CCSER1: variants seen among roughly 807,000 people sequenced by gnomAD.
CCSER1 encodes the protein serine-rich coiled-coil domain-containing protein 1.
In CCSER1, 41 loss-of-function variants were observed where a neutral mutation model predicts 82.0. The observed-to-expected ratio is 0.50, with a 90% CI of 0.39 to 0.65. CCSER1 has a LOEUF of 0.65. CCSER1 is among the 30% of genes least tolerant of loss of function. The pLI, the probability that CCSER1 is intolerant of heterozygous loss-of-function variation, is 0.00. For synonymous variants in CCSER1, 414 were observed against 383.9 expected (o/e 1.08, Z -0.92); for missense variants, 1,119 against 1,064.2 (o/e 1.05, Z -0.72).
intron 1 of CCSER1, among the ~76,000 whole-genome samples, chr4:90,166,856 A>T (rs1295419930): frequency 6.6e-6 from 1 of 152,048 alleles, no homozygotes; most frequent in Non-Finnish European, 1.5e-5. Flanking sequence ...TTGTGTAATT[A>T]ATTTACCAGT....
At chr4:90,562,190 CAAAA>C (rs35279708) in intron 5 of CCSER1, among the ~76,000 whole-genome samples, 5 of 57,010 alleles carry the variant, frequency 8.8e-5, no homozygotes, top group Non-Finnish European at 1.3e-4. Flanking sequence ...AACTCCATCT[CAAAA>C]AAAAAAAAAA....
intron 4 of CCSER1, among the ~76,000 whole-genome samples, chr4:90,461,594 T>C (rs1166372921): frequency 6.6e-6 from 1 of 152,128 alleles, no homozygotes; most frequent in East Asian, 1.9e-4. Flanking sequence ...CATTTCTCAA[T>C]ATATATATAA....
At chr4:90,838,751 T>C (rs1233496014) in intron 8 of CCSER1, 3 of 1,092,992 alleles carry the variant, frequency 2.7e-6, no homozygotes, top group Non-Finnish European at 4.1e-6. Context: ...GCGGCCTTCG[T>C]TGTCAGTAGT....
At chr4:90,471,583 A>G (rs189761361) in intron 5 of CCSER1, among the ~76,000 whole-genome samples, 17 of 152,188 alleles carry the variant, frequency 1.1e-4, no homozygotes, top group Middle Eastern at 6.8e-3. Flanking sequence ...TGCAACAAAT[A>G]TATTTGTTAA....
chr4:90,740,089 C>T (rs987418035), intron 7 of CCSER1, among the ~76,000 whole-genome samples: 8 of 151,952 alleles, frequency 5.3e-5, no homozygotes, highest in African/African-American at 1.2e-4. Context: ...TTTTAATTTC[C>T]GTTAAGTTTG....
At chr4:91,458,862 CTGAATTTGTTT>C (rs1406536052) in intron 10 of CCSER1, among the ~76,000 whole-genome samples, 3 of 152,008 alleles carry the variant, frequency 2.0e-5, no homozygotes, top group Admixed American at 6.6e-5. Flanking sequence ...TGTAACTTAA[CTGAATTTGTTT>C]TGAGATTTTT....
chr4:91,184,775 C>A (rs1560501319), intron 10 of CCSER1, among the ~76,000 whole-genome samples: 1 of 152,056 alleles, frequency 6.6e-6, no homozygotes, highest in East Asian at 1.9e-4. Flanking sequence ...TCAAATCTTG[C>A]AAATTTTTTT....
rs76014163 is a variant in CCSER1, at chr4:90,761,408, A to G, written c.2010+37417A>G. 4.7e-4 allele frequency among the ~76,000 whole-genome samples: 72 copies of G among 152,280 alleles called. 1 individual carries two copies. The East Asian group carries it at 0.011, about 24-fold the overall frequency. On this transcript the variant is annotated intron_variant, in intron 7 of 10. Transcript: ENST00000509176. Reference sequence around the variant, plus strand: ...ATACATGAATGAATAGGGAAAATACAGCTTTTAACCATTAATACAGAAGTA... The same window carrying G: ...ATACATGAATGAATAGGGAAAATACGGCTTTTAACCATTAATACAGAAGTA...
At chr4:90,607,154 T>C (rs1784832319) in intron 5 of CCSER1, among the ~76,000 whole-genome samples, 1 of 152,190 alleles carries the variant, frequency 6.6e-6, no homozygotes, top group Admixed American at 6.6e-5. Context: ...TATTGCATTT[T>C]AACCAAAAGC....
intron 8 of CCSER1, among the ~76,000 whole-genome samples, chr4:90,819,702 C>T (rs1759490850): frequency 6.6e-6 from 1 of 152,030 alleles, no homozygotes; most frequent in African/African-American, 2.4e-5. Context: ...CAATTTATTC[C>T]TTCTTTTTAA....
At chr4:91,473,961 G>A (rs12501231) in intron 10 of CCSER1, among the ~76,000 whole-genome samples, 127,527 of 152,042 alleles carry the variant, frequency 0.84, 53,962 homozygotes, top group African/African-American at 0.94. Context: ...TTAACTTCCC[G>A]AATCATTTTT....
intron 10 of CCSER1, among the ~76,000 whole-genome samples, chr4:91,213,213 A>G (rs1736975211): frequency 6.6e-6 from 1 of 151,954 alleles, no homozygotes; most frequent in South Asian, 2.1e-4. Context: ...TTTTTTTTTA[A>G]TGTAATGTCT....
At chr4:91,268,183 G>C (rs1374963434) in intron 10 of CCSER1, among the ~76,000 whole-genome samples, 2 of 152,138 alleles carry the variant, frequency 1.3e-5, no homozygotes, top group Non-Finnish European at 2.9e-5. Flanking sequence ...TCTACTATGT[G>C]TATAACTATG....
At chr4:91,136,824 T>C (rs1728511075) in intron 10 of CCSER1, among the ~76,000 whole-genome samples, 1 of 152,114 alleles carries the variant, frequency 6.6e-6, no homozygotes, top group African/African-American at 2.4e-5. Flanking sequence ...TGTCAACTTA[T>C]ACAATATGAG....
intron 10 of CCSER1, among the ~76,000 whole-genome samples, chr4:91,246,753 T>C (rs1287046470): frequency 1.3e-5 from 2 of 152,044 alleles, no homozygotes; most frequent in African/African-American, 4.8e-5. Flanking sequence ...ATATCTCATG[T>C]ACCCCATTAG....
In CCSER1 at chr4:90,634,281, G is replaced by A. The variant is rs114430495; in HGVS notation, c.1932+6049G>A. On this transcript the variant is annotated intron_variant, in intron 6 of 10. Coordinates refer to ENST00000509176, the MANE Select transcript of CCSER1 (RefSeq NM_001145065.2). ...GCCCATATAGTTGATGCAAATATTG[G>A]GGCTGTGAAACATTTGCAAAAGACC... 7.8e-3 allele frequency among the ~76,000 whole-genome samples: 1,177 copies of A among 151,618 alleles called. 16 individuals are homozygous for A. Among genetic ancestry groups the A allele is most frequent in the African/African-American group, 0.027 (1,129 of 41,442 alleles).
At chr4:90,271,930 G>A (rs547443559) in intron 1 of CCSER1, among the ~76,000 whole-genome samples, 25 of 135,516 alleles carry the variant, frequency 1.8e-4, no homozygotes, top group South Asian at 1.5e-3. Context: ...AGATGACTCC[G>A]GAGGCTTCAG....
chr4:91,422,410 T>G (rs969686437), intron 10 of CCSER1, among the ~76,000 whole-genome samples: 1 of 152,192 alleles, frequency 6.6e-6, no homozygotes, highest in Non-Finnish European at 1.5e-5. Context: ...CTGAATTTTC[T>G]TATGTGTACA....
intron 5 of CCSER1, among the ~76,000 whole-genome samples, chr4:90,615,515 G>A (rs1721018647): frequency 6.6e-6 from 1 of 152,112 alleles, no homozygotes; most frequent in South Asian, 2.1e-4. Flanking sequence ...CCTCATGGAT[G>A]ACTTCAAGGG....
Sources: gnomAD v4.1 joint callset for allele counts (sites outside exome capture counted in the v4.1 genomes callset) on GRCh38, gnomAD v4.1.1 for gene constraint, MANE v1.5 for transcripts, NCBI Gene and HGNC (gene_info 2026-07-23, HGNC 2026-07-21) for gene names.